The following RFC3 variants were observed in gnomAD, a reference collection of about 807,000 sequenced individuals.
RFC3 encodes the protein A1 38 kDa subunit.
Under a neutral mutation model 45.1 loss-of-function variants are expected in RFC3, and 41 were observed. The observed-to-expected ratio is 0.91, with a 90% confidence interval of 0.71 to 1.18. The LOEUF (loss-of-function observed/expected upper bound fraction) is 1.18. RFC3 is among the 50% of genes most tolerant of loss of function. RFC3 has a pLI of 0.00. For missense variants in RFC3, 423 were observed against 428.1 expected (o/e 0.99, Z 0.10); for synonymous variants, 149 against 144.0 (o/e 1.03, Z -0.25).
intron 8 of RFC3, among the ~76,000 whole-genome samples, chr13:33,941,977 C>T (rs1460047281): frequency 6.6e-6 from 1 of 152,004 alleles, no homozygotes; most frequent in Non-Finnish European, 1.5e-5. Flanking sequence ...TCTTCCTGTT[C>T]AGTAATATCA....
At chr13:33,846,924 G>A (rs1479094302) in intron 8 of RFC3, 12 of 152,048 alleles carry the variant, frequency 7.9e-5, no homozygotes, top group Non-Finnish European at 1.5e-4. Flanking sequence ...TTTTTTGGTG[G>A]AGTCTCACCC....
At chr13:33,898,772 G>A (rs1314396559) in intron 8 of RFC3, among the ~76,000 whole-genome samples, 1 of 151,616 alleles carries the variant, frequency 6.6e-6, no homozygotes, top group Admixed American at 6.6e-5. Context: ...AGAAAAAAGA[G>A]AGAAAATCCA....
chr13:33,859,272 A>G (rs2137530722), intron 8 of RFC3, among the ~76,000 whole-genome samples: 1 of 152,338 alleles, frequency 6.6e-6, no homozygotes, highest in East Asian at 1.9e-4. Context: ...AAGGCCTAAA[A>G]GAGAATTGCG....
chr13:33,838,882 T>C (rs1368209021), downstream of RFC3, among the ~76,000 whole-genome samples: 1 of 152,180 alleles, frequency 6.6e-6, no homozygotes, highest in African/African-American at 2.4e-5. Flanking sequence ...CGTTTTTTCC[T>C]CCTGATGGTT....
intron 8 of RFC3, among the ~76,000 whole-genome samples, chr13:33,879,619 A>G (rs2082469453): frequency 6.6e-6 from 1 of 152,246 alleles, no homozygotes. Flanking sequence ...CCAAAATAAA[A>G]AAGAAATAAA....
rs529313816 is a variant in RFC3 at position 33,891,609 on chromosome 13, A to G, written c.879+56392A>G. Among the ~76,000 whole-genome samples, 107 of 152,324 alleles carry G rather than the reference A, an allele frequency of 7.0e-4. No individual in the cohort carries two copies. The South Asian group carries it at 0.022, about 31-fold the overall frequency. On this transcript the variant is annotated intron_variant, in intron 8 of 8. Coordinates refer to the RFC3 transcript ENST00000434425. ...GAAATGATAGATGTATTTTATCTTA[A>G]TTGCATCAAATCTTGATTATCTGCA... is the stretch of plus-strand genomic sequence containing the variant.
At chr13:33,879,950 G>A (rs1056247275) in intron 8 of RFC3, among the ~76,000 whole-genome samples, 8 of 152,066 alleles carry the variant, frequency 5.3e-5, no homozygotes, top group Admixed American at 2.0e-4. Flanking sequence ...TAAGTCTTTC[G>A]CATATTGCAT....
At chr13:33,923,229 A>C (rs2137740485) in intron 8 of RFC3, among the ~76,000 whole-genome samples, 1 of 152,152 alleles carries the variant, frequency 6.6e-6, no homozygotes, top group East Asian at 1.9e-4. Context: ...TGAGGAGAGG[A>C]GATGAGAGAG....
At chr13:33,881,463 T>C (rs1667831881) in intron 8 of RFC3, among the ~76,000 whole-genome samples, 1 of 152,218 alleles carries the variant, frequency 6.6e-6, no homozygotes, top group Non-Finnish European at 1.5e-5. Context: ...TTCATCTTCC[T>C]GTCCATCACA....
At chr13:33,881,300 T>C (rs1160856666) in intron 8 of RFC3, among the ~76,000 whole-genome samples, 1 of 152,164 alleles carries the variant, frequency 6.6e-6, no homozygotes, top group Non-Finnish European at 1.5e-5. Context: ...CAATAACTGT[T>C]TCAGTTTCTT....
chr13:33,966,753 C>T (rs1452244527), downstream of RFC3, among the ~76,000 whole-genome samples: 5 of 152,114 alleles, frequency 3.3e-5, no homozygotes, highest in African/African-American at 9.7e-5. Flanking sequence ...TACTTTGTAA[C>T]CCTACAGAGT....
chr13:33,919,009 T>G (rs2082750680), intron 8 of RFC3, among the ~76,000 whole-genome samples: 1 of 148,770 alleles, frequency 6.7e-6, no homozygotes, highest in Admixed American at 6.8e-5. Flanking sequence ...TACCTTTTGG[T>G]CTTTTTGGAA....
intron 4 of RFC3, 112 bp from the exon 5 acceptor site, chr13:33,829,724 A>C: frequency 1.2e-6 from 1 of 807,576 alleles, no homozygotes; most frequent in Non-Finnish European, 2.2e-6. Flanking sequence ...GAAGAGTAGT[A>C]TATCAGGCTT....
chr13:33,832,640 G>T (rs1164933931), intron 7 of RFC3, among the ~76,000 whole-genome samples: 1 of 152,006 alleles, frequency 6.6e-6, no homozygotes, highest in African/African-American at 2.4e-5. Flanking sequence ...CATTAGAAAA[G>T]AAACTTCATC....
chr13:33,897,281 AT>A (rs75849239), intron 8 of RFC3, among the ~76,000 whole-genome samples: 19,107 of 151,496 alleles, frequency 0.13, 2,259 homozygotes, highest in African/African-American at 0.32. Flanking sequence ...TACATTGTAG[AT>A]TTTTTTTTGT....
rs1466224488 is a variant in RFC3, at chr13:33,915,630, A to C, written c.880-50457A>C. Among the ~76,000 whole-genome samples, 3 of 152,174 alleles carry C rather than the reference A, an allele frequency of 2.0e-5. No individual in the cohort carries two copies. In the East Asian group the frequency reaches 5.8e-4, roughly 29 times the overall value. The stretch of plus-strand genomic sequence containing the variant: ...CTAGACCCTAATTTCCAATGTCAGA[A>C]TAGTTTCCCAGTCAGAATTGGGTAG... On this transcript the variant is annotated intron_variant, in intron 8 of 8. Coordinates refer to the RFC3 transcript ENST00000434425.
Position 33,835,213 on chromosome 13 carries a change from T to G in RFC3, c.875T>G (p.Met292Arg). ...CATTGTATTCCTCCTGAGATAATAA[T>G]GAAGGTAACCCAATTTCAGATCTTG... is the stretch of plus-strand genomic sequence containing the variant. ...LTHCIPPEII[M>R]KGLLSELLHN... The change falls in exon 8 of 9, where the codon ATG becomes AGG. Residue 292 changes from methionine to arginine, a missense_variant. By Grantham distance (91) the Met-to-Arg change is moderately conservative. Coordinates refer to ENST00000380071, the MANE Select transcript of RFC3 (RefSeq NM_002915.4). 2.5e-6 allele frequency: 4 copies of G among 1,605,680 alleles called. No individual in the cohort carries two copies. In the South Asian group the frequency reaches 4.4e-5, roughly 18 times the overall value.
intron 8 of RFC3, among the ~76,000 whole-genome samples, chr13:33,926,345 A>G (rs1219058352): frequency 1.3e-5 from 2 of 152,004 alleles, no homozygotes; most frequent in African/African-American, 4.8e-5. Context: ...GTACCCTAAA[A>G]CTTAAAGTAT....
chr13:33,875,532 A>G (rs2082440289), intron 8 of RFC3, among the ~76,000 whole-genome samples: 1 of 152,214 alleles, frequency 6.6e-6, no homozygotes, highest in African/African-American at 2.4e-5. Flanking sequence ...ACAATGGTAA[A>G]GAGTTGAGGC....
Sources: gnomAD v4.1 joint callset for allele counts (sites outside exome capture counted in the v4.1 genomes callset) on GRCh38, gnomAD v4.1.1 for gene constraint, MANE v1.5 for transcripts, NCBI Gene and HGNC (gene_info 2026-07-23, HGNC 2026-07-21) for gene names.